TRH: variants seen among roughly 807,000 people sequenced by gnomAD.
TRH encodes thyrotropin releasing hormone, also known as TSH-releasing factor.
A neutral mutation model predicts 5.2 loss-of-function variants in TRH; 5 were observed. The observed-to-expected ratio is 0.95, with a 90% confidence interval of 0.50 to 2.00. TRH has a LOEUF of 2.00. Among genes scored for constraint, TRH ranks in the 30% most tolerant of loss-of-function variants. TRH has a pLI of 0.01. For synonymous variants in TRH, 131 were observed against 128.6 expected (o/e 1.02, Z -0.13); for missense variants, 318 against 312.8 (o/e 1.02, Z -0.13).
chr3:129,977,476 TCTC>T lies in TRH; in HGVS notation c.*261_*263del. On this transcript the variant is annotated 3_prime_UTR_variant, in exon 3 of 3. Coordinates refer to ENST00000302649, the MANE Select transcript of TRH (RefSeq NM_007117.5). ...GCAAGGGGGCAGATCCCAGAGCCCC[TCTC>T]ACCCCCCCCACCACAGGCCTGCTCC... is the stretch of plus-strand genomic sequence containing the variant. 2.1e-5 allele frequency: 7 copies of T among 338,680 alleles called. No individual in the cohort carries two copies. The highest frequency in any genetic ancestry group is 2.2e-4 in the South Asian group (2 of 9,178). 21.0% of individuals were successfully genotyped at this position (338,680 alleles called of 1,614,324 possible).
Position 129,975,900 on chromosome 3 carries a change from G to A in TRH, c.84G>A (p.Ala28=), listed in dbSNP as rs1577288223. The change falls in exon 2 of 3, where the codon GCG becomes GCA. Residue 28 remains alanine (A), a synonymous_variant. Transcript: ENST00000302649. ...CCGGCGGCCGTGCTCAGCCAGAGGC[G>A]GCCCAGCAGGAGGCAGTGACGGCCG... ...GVPGGRAQPE[A]AQQEAVTAAE... is the part of the protein sequence containing the mutation. The A allele has an allele frequency of 5.0e-6, 8 of 1,613,280 alleles. No homozygotes were observed. Among genetic ancestry groups the A allele is most frequent in the Non-Finnish European group, 6.8e-6 (8 of 1,179,852 alleles).
intron 2 of TRH, 76 bp downstream of exon 2, chr3:129,976,103 G>A (rs1463582421): frequency 1.3e-6 from 2 of 1,507,952 alleles, no homozygotes; most frequent in African/African-American, 1.4e-5. Context: ...GCAAAGGGGA[G>A]GGGAGGCTTG....
Position 129,976,937 on chromosome 3 carries a change from G to T in TRH, c.450G>T (p.Lys150Asn). 6.2e-7 allele frequency: 1 copy of T among 1,613,776 alleles called. No homozygotes were observed. Residue 150 changes from lysine (K) to asparagine (N), a missense_variant, in exon 3 of 3, where the codon AAG becomes AAT. Transcript: ENST00000302649. The part of the protein sequence containing the change: ...RSPWLAYAVP[K>N]RQHPGRRLAD... ...CCTGGCTTGCATATGCTGTCCCGAA[G>T]CGGCAGCACCCAGGCAGAAGGCTGG...
At position 129,977,812 on chromosome 3, in the gene TRH, G is replaced by A. The variant is rs1434146529; in HGVS notation, c.*596G>A. On this transcript the variant is annotated 3_prime_UTR_variant, in exon 3 of 3. Coordinates refer to ENST00000302649, the MANE Select transcript of TRH (RefSeq NM_007117.5). The stretch of plus-strand genomic sequence containing the variant: ...TGGTGTTGTGCTGTGTCTGGCTGTG[G>A]GATAAATGTGTGTGGGAATATTGAA... 1 of 152,552 alleles carries A rather than the reference G, an allele frequency of 6.6e-6. No homozygotes were observed. The highest frequency in any genetic ancestry group is 1.9e-4 in the East Asian group (1 of 5,208). 9.4% of individuals were successfully genotyped at this position (152,552 alleles called of 1,614,324 possible).
Position 129,976,839 on chromosome 3 carries a change from C to G in TRH, c.352C>G (p.Arg118Gly), listed in dbSNP as rs142218332. 6.2e-7 allele frequency: 1 copy of G among 1,613,546 alleles called. No homozygotes were observed. Among genetic ancestry groups the G allele is most frequent in the Non-Finnish European group, 8.5e-7 (1 of 1,179,822 alleles). ...ACCCCACAAACGGCAGCACCCTGGC[C>G]GACGAGAAGATGAGGCTTCATGGTC... ...VGPHKRQHPG[R>G]REDEASWSVD... is the part of the protein sequence containing the mutation. Residue 118 changes from arginine (R) to glycine (G), a missense_variant, in exon 3 of 3, where the codon CGA (arginine) becomes GGA (glycine). By Grantham distance (125) the Arg-to-Gly change is moderately radical (BLOSUM62 -2). Transcript: ENST00000302649.
intron 1 of TRH, 137 bp from the exon 2 acceptor site, chr3:129,975,672 C>G (rs2062538317): frequency 2.0e-6 from 2 of 982,186 alleles, no homozygotes; most frequent in Non-Finnish European, 2.9e-6. Flanking sequence ...GCTCCCGCCC[C>G]TGCACGAGGG....
At chr3:129,974,993 G>A (rs1373248482) in intron 1 of TRH, among the ~76,000 whole-genome samples, 170 bp downstream of exon 1, 2 of 152,128 alleles carry the variant, frequency 1.3e-5, no homozygotes, top group Non-Finnish European at 1.5e-5. Context: ...GCGCAGGCCG[G>A]GGACCCGACG....
At chr3:129,975,724 G>A in intron 1 of TRH, 85 bp from the exon 2 acceptor site, 1 of 1,393,856 alleles carries the variant, frequency 7.2e-7, no homozygotes. Flanking sequence ...ACTGTGCGTG[G>A]TTTGTTTCTG....
At position 129,977,212 on chromosome 3, in the gene TRH, A is replaced by C. The variant is rs1277500675; in HGVS notation, c.725A>C (p.Glu242Ala). 2 of 1,515,940 alleles carry C rather than the reference A, an allele frequency of 1.3e-6. No individual in the cohort carries two copies. Among genetic ancestry groups the C allele is most frequent in the African/African-American group, 2.8e-5 (2 of 71,322 alleles). The allele number at this position is 1,515,940 out of a possible 1,614,324, so 93.9% of individuals were successfully genotyped here. A position where few individuals can be genotyped will look rare whatever the true frequency, so the allele number is the denominator to read the frequency against. ...RAAWVREPLE[E>A] ...GCCTGGGTCAGAGAGCCCCTGGAGG[A>C]GTGAACCCAGTTTTCCCTGAAGTCG... Residue 242 changes from glutamate (E) to alanine (A), a missense_variant, in exon 3 of 3, where the codon GAG (glutamate) becomes GCG (alanine). Physicochemically the swap from Glu to Ala is moderately radical, Grantham distance 107 (BLOSUM62 -1). Transcript: ENST00000302649.
At position 129,976,907 on chromosome 3, in the gene TRH, C is replaced by G. The variant is rs781119294; in HGVS notation, c.420C>G (p.Arg140=). 6.2e-7 allele frequency: 1 copy of G among 1,612,820 alleles called. No individual in the cohort carries two copies. The highest frequency in any genetic ancestry group is 1.1e-5 in the South Asian group (1 of 91,008). The change falls in exon 3 of 3, where the codon CGC becomes CGG. Residue 140 remains arginine, a synonymous_variant. Coordinates refer to ENST00000302649, the MANE Select transcript of TRH (RefSeq NM_007117.5). ...TQHKRQHPGR[R]SPWLAYAVPK... ...ACAAGCGGCAGCATCCTGGCCGGCG[C>G]TCCCCCTGGCTTGCATATGCTGTCC... is the stretch of plus-strand genomic sequence containing the variant.
At chr3:129,975,687 T>A in intron 1 of TRH, 122 bp from the exon 2 acceptor site, 1 of 1,076,260 alleles carries the variant, frequency 9.3e-7, no homozygotes, top group Non-Finnish European at 1.3e-6. Flanking sequence ...CGAGGGGCAG[T>A]GGTCCTGCTT....
In TRH at chr3:129,977,035, A is replaced by C. The variant is rs770070367; in HGVS notation, c.548A>C (p.Glu183Ala). 6.2e-7 allele frequency: 1 copy of C among 1,611,424 alleles called. No individual in the cohort carries two copies. Among genetic ancestry groups the C allele is most frequent in the Non-Finnish European group, 8.5e-7 (1 of 1,177,978 alleles). Residue 183 changes from glutamate to alanine, a missense_variant, in exon 3 of 3, where the codon GAA becomes GCA. Coordinates refer to ENST00000302649, the MANE Select transcript of TRH (RefSeq NM_007117.5). The part of the protein sequence containing the change: ...EEEREEDLMP[E>A]KRQHPGKRAL... ...GAGAGAGAGGAAGACCTGATGCCTG[A>C]AAAACGCCAGCATCCGGGCAAGAGG...
rs759846716 is a variant in TRH at position 129,976,937 on chromosome 3, G to A, written c.450G>A (p.Lys150=). ...RSPWLAYAVP[K]RQHPGRRLAD... ...CCTGGCTTGCATATGCTGTCCCGAA[G>A]CGGCAGCACCCAGGCAGAAGGCTGG... Residue 150 remains lysine (K), a synonymous_variant, in exon 3 of 3, where the codon AAG becomes AAA. Transcript: ENST00000302649. 7 of 1,613,658 alleles carry A rather than the reference G, an allele frequency of 4.3e-6. No individual in the cohort carries two copies. The highest frequency in any genetic ancestry group is 5.9e-6 in the Non-Finnish European group (7 of 1,179,948).
In TRH at chr3:129,976,913, C is replaced by G. The variant is rs370573222; in HGVS notation, c.426C>G (p.Pro142=). ...HKRQHPGRRS[P]WLAYAVPKRQ... ...GGCAGCATCCTGGCCGGCGCTCCCC[C>G]TGGCTTGCATATGCTGTCCCGAAGC... The change falls in exon 3 of 3, where the codon CCC becomes CCG. Residue 142 remains proline, a synonymous_variant. Coordinates refer to ENST00000302649, the MANE Select transcript of TRH (RefSeq NM_007117.5). 1.2e-6 allele frequency: 2 copies of G among 1,613,744 alleles called. No homozygotes were observed. The highest frequency in any genetic ancestry group is 1.7e-5 in the Admixed American group (1 of 59,992).
intron 2 of TRH, among the ~76,000 whole-genome samples, chr3:129,976,277 GGA>G (rs2062543283): frequency 6.6e-6 from 1 of 152,370 alleles, no homozygotes; most frequent in South Asian, 2.1e-4. Flanking sequence ...TGTGTGCTAG[GGA>G]GAGAGTTTCT....
rs745608576 is a variant in TRH at position 129,976,997 on chromosome 3, G to A, written c.510G>A (p.Glu170=). Residue 170 remains glutamate, a synonymous_variant, in exon 3 of 3, where the codon GAG becomes GAA. Coordinates refer to ENST00000302649, the MANE Select transcript of TRH (RefSeq NM_007117.5). ...AGGCTCAAAGGAGCTGGGAAGAAGA[G>A]GAGGAGGAGGAAGAGAGAGAGGAAG... The part of the protein sequence containing the change: ...DPKAQRSWEE[E]EEEEEREEDL... The A allele has an allele frequency of 7.4e-6, 12 of 1,612,920 alleles. No individual in the cohort carries two copies. In the Admixed American group the frequency reaches 1.0e-4, roughly 13 times the overall value.
chr3:129,975,754 G>C (rs2062538895), intron 1 of TRH, 55 bp from the exon 2 acceptor site: 1 of 1,493,120 alleles, frequency 6.7e-7, no homozygotes, highest in Admixed American at 2.1e-5. Context: ...GGGGGAGATG[G>C]AGCGGGATGT....
chr3:129,977,334 C>G lies in TRH; in HGVS notation c.*118C>G, dbSNP rs1395871961. On this transcript the variant is annotated 3_prime_UTR_variant, in exon 3 of 3. Transcript: ENST00000302649. ...TCCCTGACCATAAGCCTGAGCCCCT[C>G]CCTCCCAGCCCCATATTCACACACA... The G allele has an allele frequency of 7.8e-7, 1 of 1,282,828 alleles. No individual in the cohort carries two copies. The allele number at this position is 1,282,828 out of a possible 1,614,324, so 79.5% of individuals were successfully genotyped here.
Position 129,976,894 on chromosome 3 carries a change from A to G in TRH, c.407A>G (p.His136Arg), listed in dbSNP as rs369285957. The G allele has an allele frequency of 1.9e-6, 3 of 1,613,666 alleles. No homozygotes were observed. In the African/African-American group the frequency reaches 4.0e-5, roughly 22 times the overall value. ...SVDVTQHKRQHPGRRSPWLAY... is the reference protein window; with the variant it reads ...SVDVTQHKRQRPGRRSPWLAY... ...GATGTAACCCAGCACAAGCGGCAGC[A>G]TCCTGGCCGGCGCTCCCCCTGGCTT... is the stretch of plus-strand genomic sequence containing the variant. The change falls in exon 3 of 3, where the codon CAT becomes CGT. Residue 136 changes from histidine (H) to arginine (R), a missense_variant. Physicochemically the swap from His to Arg is conservative, Grantham distance 29 (BLOSUM62 0). Coordinates refer to ENST00000302649, the MANE Select transcript of TRH (RefSeq NM_007117.5).
Sources: gnomAD v4.1 joint callset for allele counts (sites outside exome capture counted in the v4.1 genomes callset) on GRCh38, gnomAD v4.1.1 for gene constraint, MANE v1.5 for transcripts, NCBI Gene and HGNC (gene_info 2026-07-23, HGNC 2026-07-21) for gene names.